MDGA2: variants seen among roughly 807,000 people sequenced by gnomAD.
MDGA2 encodes the protein MAM domain containing glycosylphosphatidylinositol anchor 2.
A neutral mutation model predicts 117.8 loss-of-function variants in MDGA2; 40 were observed. The ratio of observed to expected loss-of-function variants is 0.34; its 90% CI spans 0.26 to 0.44. The LOEUF (loss-of-function observed/expected upper bound fraction) is 0.44, where lower values mean the gene tolerates loss of function less well. MDGA2 is among the 20% of genes least tolerant of loss of function. The probability of loss-of-function intolerance (pLI) is 1.00; values close to 1 mark genes in which losing one functional copy is unlikely to be tolerated. For synonymous variants in MDGA2, 452 were observed against 439.0 expected (o/e 1.03, Z -0.37); for missense variants, 1,123 against 1,250.6 (o/e 0.90, Z 1.54).
At chr14:47,138,568 G>C (rs980503600) in intron 4 of MDGA2, among the ~76,000 whole-genome samples, 2 of 151,940 alleles carry the variant, frequency 1.3e-5, no homozygotes, top group African/African-American at 4.8e-5. Context: ...TTTAACAAAA[G>C]AAATAAAAGG....
intron 1 of MDGA2, among the ~76,000 whole-genome samples, chr14:47,369,741 TTTAGA>T (rs1347141138): frequency 1.3e-5 from 2 of 152,158 alleles, no homozygotes; most frequent in African/African-American, 4.8e-5. Context: ...TAATAACTTT[TTTAGA>T]TTAATCATTT....
At chr14:47,589,030 A>C (rs1896386581) in intron 1 of MDGA2, among the ~76,000 whole-genome samples, 1 of 151,634 alleles carries the variant, frequency 6.6e-6, no homozygotes, top group Admixed American at 6.6e-5. Flanking sequence ...TTTCTCTTGT[A>C]ATCTTGAGGT....
intron 3 of MDGA2, among the ~76,000 whole-genome samples, chr14:47,213,025 T>C (rs887654238): frequency 2.0e-5 from 3 of 152,178 alleles, no homozygotes; most frequent in Admixed American, 1.3e-4. Context: ...AATATCTTCC[T>C]ATACATAGCC....
chr14:47,585,816 T>A (rs1896314799), intron 1 of MDGA2, among the ~76,000 whole-genome samples: 1 of 151,952 alleles, frequency 6.6e-6, no homozygotes, highest in African/African-American at 2.4e-5. Flanking sequence ...TGTCTTCCAC[T>A]GTGTATCACC....
intron 1 of MDGA2, among the ~76,000 whole-genome samples, chr14:47,390,611 A>G (rs1665625841): frequency 6.6e-6 from 1 of 152,204 alleles, no homozygotes; most frequent in Admixed American, 6.5e-5. Flanking sequence ...GTAGGAAATG[A>G]GTTGTACCTG....
chr14:47,198,465 G>A (rs982824816), intron 3 of MDGA2, among the ~76,000 whole-genome samples: 8 of 152,014 alleles, frequency 5.3e-5, no homozygotes, highest in South Asian at 2.1e-4. Context: ...CCAGCTACTC[G>A]GGAGGCTGAG....
intron 5 of MDGA2, among the ~76,000 whole-genome samples, chr14:47,106,601 C>A (rs1309568369): frequency 6.6e-6 from 1 of 152,066 alleles, no homozygotes; most frequent in East Asian, 1.9e-4. Context: ...GGAACTTTGG[C>A]TCAAGGCTCT....
chr14:47,619,660 TCC>T (rs1897014501), intron 1 of MDGA2, among the ~76,000 whole-genome samples: 1 of 152,160 alleles, frequency 6.6e-6, no homozygotes, highest in Non-Finnish European at 1.5e-5. Context: ...AGTAGGTAAT[TCC>T]CTGTACTCAC....
rs1034754521 is a variant in MDGA2 at position 47,224,419 on chromosome 14, T to C, written c.421-6224A>G. The stretch of plus-strand genomic sequence containing the variant: ...AGGAAAATATTAAAAACCTGAAGCA[T>C]AGATAGACTTGGCTGAATCCAAAAA... On this transcript the variant is annotated intron_variant, in intron 2 of 16. Transcript: ENST00000399232. Among the ~76,000 whole-genome samples, 4 of 152,136 alleles carry C rather than the reference T, an allele frequency of 2.6e-5. No individual in the cohort carries two copies. In the East Asian group the frequency reaches 7.7e-4, roughly 29 times the overall value.
intron 8 of MDGA2, among the ~76,000 whole-genome samples, chr14:46,990,840 A>G (rs1887058951): frequency 6.7e-6 from 1 of 148,302 alleles, no homozygotes; most frequent in South Asian, 2.2e-4. Flanking sequence ...TTGAATAATC[A>G]TATATGGATT....
chr14:46,909,640 A>C (rs1392154383), intron 10 of MDGA2, among the ~76,000 whole-genome samples: 1 of 152,226 alleles, frequency 6.6e-6, no homozygotes, highest in Non-Finnish European at 1.5e-5. Context: ...AAAATTATAG[A>C]GGAGATATTG....
At chr14:47,106,481 C>T (rs1880687068) in intron 5 of MDGA2, among the ~76,000 whole-genome samples, 2 of 151,962 alleles carry the variant, frequency 1.3e-5, no homozygotes, top group Non-Finnish European at 2.9e-5. Context: ...GGCCACTGGG[C>T]CAAGGAATGC....
At chr14:47,601,381 G>C (rs1224960821) in intron 1 of MDGA2, among the ~76,000 whole-genome samples, 12 of 152,088 alleles carry the variant, frequency 7.9e-5, no homozygotes, top group African/African-American at 2.7e-4. Context: ...TACATCCTAG[G>C]TTTAGAAGCA....
intron 1 of MDGA2, among the ~76,000 whole-genome samples, chr14:47,525,112 G>C (rs1214906285): frequency 6.6e-6 from 1 of 152,154 alleles, no homozygotes; most frequent in Admixed American, 6.5e-5. Flanking sequence ...GTCACAAATT[G>C]CTTCCTTGCA....
chr14:47,166,750 G>A (rs902179174), intron 3 of MDGA2, among the ~76,000 whole-genome samples: 5 of 152,054 alleles, frequency 3.3e-5, no homozygotes, highest in East Asian at 1.9e-4. Context: ...AATATGAACC[G>A]TCACAACAAA....
chr14:47,644,152 C>CA (rs1253140588), intron 1 of MDGA2, among the ~76,000 whole-genome samples: 1 of 152,126 alleles, frequency 6.6e-6, no homozygotes, highest in Non-Finnish European at 1.5e-5. Flanking sequence ...TAATGGCCCC[C>CA]AAAGATTCCC....
chr14:47,224,657 T>A (rs2139542799), intron 2 of MDGA2, among the ~76,000 whole-genome samples: 1 of 152,242 alleles, frequency 6.6e-6, no homozygotes, highest in East Asian at 1.9e-4. Context: ...ATTAAAAGAA[T>A]CCTTGAGAAA....
In MDGA2 at chr14:46,855,970, T is replaced by G. The variant is rs1306692141; in HGVS notation, c.2753-816A>C. On this transcript the variant is annotated intron_variant, in intron 14 of 16. Coordinates refer to ENST00000399232, the MANE Select transcript of MDGA2 (RefSeq NM_001113498.3). The surrounding 1 kb of genome is among the most constrained non-coding windows in gnomAD (Gnocchi z 4.1). ...TATTTGATATCTCTCTTTCAATAGTTTAATGTGCTGTACACAGTAATGATA... is the reference window on the plus strand; with the variant it reads ...TATTTGATATCTCTCTTTCAATAGTGTAATGTGCTGTACACAGTAATGATA... 6.6e-6 allele frequency among the ~76,000 whole-genome samples: 1 copy of G among 152,138 alleles called. No homozygotes were observed. The highest frequency in any genetic ancestry group is 2.4e-5 in the African/African-American group (1 of 41,430).
chr14:47,577,777 C>T (rs1218220231), intron 1 of MDGA2, among the ~76,000 whole-genome samples: 2 of 152,160 alleles, frequency 1.3e-5, no homozygotes, highest in African/African-American at 4.8e-5. Flanking sequence ...ACAATAGATG[C>T]TGGCAAGGCT....
Sources: gnomAD v4.1 joint callset for allele counts (sites outside exome capture counted in the v4.1 genomes callset) on GRCh38, gnomAD v4.1.1 for gene constraint, Gnocchi (gnomAD v3.1) non-coding constraint, MANE v1.5 for transcripts, NCBI Gene and HGNC (gene_info 2026-07-23, HGNC 2026-07-21) for gene names.